The following DCC variants were observed in gnomAD, a reference collection of about 807,000 sequenced individuals.
DCC encodes DCC netrin 1 receptor.
DCC carries 58 observed loss-of-function variants against 172.5 expected under a neutral mutation model. The ratio of observed to expected loss-of-function variants is 0.34; its 90% CI spans 0.27 to 0.42. The LOEUF (loss-of-function observed/expected upper bound fraction) is 0.42. Ranked by LOEUF, DCC falls within the 10% of genes least tolerant of loss-of-function variation. DCC has a pLI of 1.00. For synonymous variants in DCC, 709 were observed against 644.5 expected, an observed-to-expected ratio of 1.10 and a Z score of -1.52; for missense variants, 1,740 against 1,791.0, an observed-to-expected ratio of 0.97 and a Z score of 0.51.
chr18:53,152,121 A>C (rs2054651447), intron 7 of DCC, among the ~76,000 whole-genome samples: 1 of 152,190 alleles, frequency 6.6e-6, no homozygotes, highest in African/African-American at 2.4e-5. Flanking sequence ...CAGACTAATA[A>C]AGCAGATGCA....
At chr18:52,910,833 TTTA>T (rs1475694497) in intron 3 of DCC, among the ~76,000 whole-genome samples, 2 of 152,136 alleles carry the variant, frequency 1.3e-5, no homozygotes, top group Non-Finnish European at 2.9e-5. Context: ...TAACTAAATA[TTTA>T]TCTAATTAGA....
intron 20 of DCC, among the ~76,000 whole-genome samples, chr18:53,411,034 TC>T (rs1466569527): frequency 6.6e-6 from 1 of 151,958 alleles, no homozygotes; most frequent in East Asian, 1.9e-4. Context: ...GGTACTATTA[TC>T]CCTTATATAT....
intron 1 of DCC, among the ~76,000 whole-genome samples, chr18:52,358,357 A>T (rs773607004): frequency 9.9e-5 from 15 of 152,202 alleles, no homozygotes; most frequent in Non-Finnish European, 2.2e-4. Flanking sequence ...AGTCAGGTGA[A>T]CTTGGGTTTA....
At chr18:52,977,159 C>G (rs34676849) in intron 5 of DCC, among the ~76,000 whole-genome samples, 5,353 of 151,768 alleles carry the variant, frequency 0.035, 124 homozygotes, top group African/African-American at 0.054. Flanking sequence ...TTTTTTCTTA[C>G]CCCTCATAAC....
intron 5 of DCC, among the ~76,000 whole-genome samples, chr18:52,930,077 A>G (rs753555703): frequency 9.2e-5 from 14 of 151,648 alleles, no homozygotes; most frequent in Non-Finnish European, 1.5e-4. Flanking sequence ...CCTCCCAAGT[A>G]TCTTGGACCA....
chr18:53,327,106 T>G, intron 14 of DCC, among the ~76,000 whole-genome samples: 1 of 152,180 alleles, frequency 6.6e-6, no homozygotes, highest in East Asian at 1.9e-4. Flanking sequence ...CCTTCTCAAC[T>G]TGGCTTAAGC....
intron 9 of DCC, among the ~76,000 whole-genome samples, chr18:53,200,634 T>C (rs1293351634): frequency 6.6e-6 from 1 of 152,192 alleles, no homozygotes; most frequent in African/African-American, 2.4e-5. Flanking sequence ...CTTATGGGGA[T>C]ACTGCTTTGA....
intron 13 of DCC, among the ~76,000 whole-genome samples, chr18:53,315,935 A>G (rs560156707): frequency 2.4e-4 from 36 of 152,190 alleles, no homozygotes; most frequent in Admixed American, 2.2e-3. Context: ...CACTCTGATA[A>G]TACTTTCTTT....
chr18:52,383,784 A>G (rs1055077526), intron 1 of DCC, among the ~76,000 whole-genome samples: 1 of 151,990 alleles, frequency 6.6e-6, no homozygotes, highest in Middle Eastern at 3.2e-3. Context: ...GTATGATATA[A>G]CAACATTTCA....
chr18:53,202,723 T>C (rs1259874239), intron 9 of DCC, among the ~76,000 whole-genome samples: 1 of 152,156 alleles, frequency 6.6e-6, no homozygotes, highest in African/African-American at 2.4e-5. Context: ...AGTTCTGGAA[T>C]CATAAATGAG....
At chr18:53,400,583 G>A (rs1015502588) in intron 18 of DCC, among the ~76,000 whole-genome samples, 1 of 152,068 alleles carries the variant, frequency 6.6e-6, no homozygotes, top group Non-Finnish European at 1.5e-5. Context: ...TATTGAAATT[G>A]TGAGGGCCAT....
At chr18:52,727,159 A>G (rs1178507899) in intron 1 of DCC, among the ~76,000 whole-genome samples, 1 of 152,206 alleles carries the variant, frequency 6.6e-6, no homozygotes, top group Non-Finnish European at 1.5e-5. Flanking sequence ...ATGGAAATCC[A>G]AAGTGATTGG....
At chr18:52,880,056 T>A (rs554555105) in intron 2 of DCC, among the ~76,000 whole-genome samples, 4 of 152,270 alleles carry the variant, frequency 2.6e-5, no homozygotes, top group African/African-American at 9.6e-5. Flanking sequence ...TTTAGTTATT[T>A]TTAAATGTAC....
chr18:52,619,596 T>C (rs563653221), intron 1 of DCC, among the ~76,000 whole-genome samples: 53 of 152,324 alleles, frequency 3.5e-4, no homozygotes, highest in African/African-American at 1.3e-3. Flanking sequence ...ATCCAACTAA[T>C]TGTACTTATA....
chr18:52,778,646 GA>G (rs2037477822), intron 2 of DCC, among the ~76,000 whole-genome samples: 1 of 152,120 alleles, frequency 6.6e-6, no homozygotes, highest in African/African-American at 2.4e-5. Flanking sequence ...ATAATTTTGA[GA>G]GGCATAATTT....
At chr18:53,092,621 G>T (rs945756082) in intron 7 of DCC, among the ~76,000 whole-genome samples, 1 of 152,168 alleles carries the variant, frequency 6.6e-6, no homozygotes, top group African/African-American at 2.4e-5. Flanking sequence ...TGTTAGAATT[G>T]ATGAAATTCA....
rs1170414667 is a variant in DCC at position 53,122,225 on chromosome 18, A to G, written c.1262-35131A>G. 3.9e-5 allele frequency among the ~76,000 whole-genome samples: 6 copies of G among 152,166 alleles called. No individual in the cohort carries two copies. The East Asian group carries it at 1.2e-3, about 30-fold the overall frequency. On this transcript the variant is annotated intron_variant, in intron 7 of 28. Transcript: ENST00000442544. ...AATGGCCTAAATGCCCTTAGCTGGT[A>G]TAGTTGTGATGCTCAGTGCTAATTT...
At chr18:53,455,791 C>G (rs7239979) in intron 23 of DCC, among the ~76,000 whole-genome samples, 20 of 152,104 alleles carry the variant, frequency 1.3e-4, no homozygotes, top group African/African-American at 4.8e-4. Flanking sequence ...ACTGTCATGC[C>G]GCAGTGCATG....
chr18:52,717,430 C>CTTTT (rs59202776), intron 1 of DCC, among the ~76,000 whole-genome samples: 3,825 of 123,316 alleles, frequency 0.031, 108 homozygotes, highest in East Asian at 0.053. Flanking sequence ...TTCTAAATTT[C>CTTTT]TTTTTTTTTT....
Sources: gnomAD v4.1 joint callset for allele counts (sites outside exome capture counted in the v4.1 genomes callset) on GRCh38, gnomAD v4.1.1 for gene constraint, MANE v1.5 for transcripts, NCBI Gene and HGNC (gene_info 2026-07-23, HGNC 2026-07-21) for gene names.